ABCG2: variants seen among roughly 807,000 people sequenced by gnomAD.
ABCG2 encodes the protein broad substrate specificity ATP-binding cassette transporter ABCG2.
ABCG2 carries 80 observed loss-of-function variants against 73.5 expected under a neutral mutation model. The ratio of observed to expected loss-of-function variants is 1.09; its 90% confidence interval spans 0.91 to 1.31. The LOEUF (loss-of-function observed/expected upper bound fraction) is 1.31. Among genes scored for constraint, ABCG2 ranks in the 50% most tolerant of loss-of-function variants. The pLI is 0.00. For synonymous variants in ABCG2, 269 were observed against 282.4 expected (o/e 0.95, Z 0.48); for missense variants, 796 against 786.2 (o/e 1.01, Z -0.15).
chr4:88,226,806 A>G (rs1296221993), intron 1 of ABCG2: 2 of 152,388 alleles, frequency 1.3e-5, no homozygotes, highest in Non-Finnish European at 2.9e-5. Flanking sequence ...TGACACGCAA[A>G]TTCGTGAAGC....
At chr4:88,142,203 A>G (rs1396997006) in intron 1 of ABCG2, among the ~76,000 whole-genome samples, 1 of 152,126 alleles carries the variant, frequency 6.6e-6, no homozygotes, top group Non-Finnish European at 1.5e-5. Context: ...GAGAGAAGGG[A>G]AAATGCAGCA....
chr4:88,179,137 G>A (rs183997620), intron 1 of ABCG2, among the ~76,000 whole-genome samples: 6 of 152,138 alleles, frequency 3.9e-5, no homozygotes, highest in Non-Finnish European at 8.8e-5. Flanking sequence ...CAGTCCCTGT[G>A]TTGGTGGCCA....
rs553677085 is a variant in ABCG2 at position 88,199,327 on chromosome 4, C to T, written c.-20+31667G>A. Among the ~76,000 whole-genome samples the T allele has an allele frequency of 1.4e-4, 21 of 152,086 alleles. No individual in the cohort carries two copies. The South Asian group carries it at 4.2e-3, about 30-fold the overall frequency. On this transcript the variant is annotated intron_variant, in intron 1 of 15. Transcript: ENST00000515655. ...GTTTCTCCCAAATTAATGTTAGATA[C>T]CAAACTACAGATTCAGGAAACTCGA... is the stretch of plus-strand genomic sequence containing the variant.
intron 1 of ABCG2, among the ~76,000 whole-genome samples, chr4:88,181,900 CA>C (rs1273442408): frequency 2.0e-5 from 3 of 151,432 alleles, no homozygotes; most frequent in South Asian, 2.1e-4. Context: ...AAACAAATAA[CA>C]AAATGGCAGG....
At chr4:88,196,500 A>C (rs1233996466) in intron 1 of ABCG2, among the ~76,000 whole-genome samples, 2 of 152,198 alleles carry the variant, frequency 1.3e-5, no homozygotes, top group Non-Finnish European at 2.9e-5. Flanking sequence ...ACAGCTTCAC[A>C]CAAGGATTTT....
chr4:88,122,481 G>C (rs569938925), intron 5 of ABCG2, among the ~76,000 whole-genome samples: 33 of 152,254 alleles, frequency 2.2e-4, no homozygotes, highest in African/African-American at 7.2e-4. Context: ...TGAGCTTGGT[G>C]GGGGGAGGGG....
chr4:88,222,922 T>C lies in ABCG2; in HGVS notation c.-20+8072A>G, dbSNP rs533185915. ...CTGCCCAAGGCCATGGGAACCTACC[T>C]CTTCCATCAGGGTGACTTGGATATG... is the stretch of plus-strand genomic sequence containing the variant. On this transcript the variant is annotated intron_variant, in intron 1 of 15. Transcript: ENST00000515655. 1.7e-3 allele frequency among the ~76,000 whole-genome samples: 266 copies of C among 152,300 alleles called. 3 individuals carry two copies. Among genetic ancestry groups the C allele is most frequent in the Middle Eastern group, 3.4e-3 (1 of 294 alleles).
chr4:88,154,472 G>A (rs1480186248), intron 1 of ABCG2, among the ~76,000 whole-genome samples: 4 of 152,174 alleles, frequency 2.6e-5, no homozygotes, highest in Non-Finnish European at 5.9e-5. Flanking sequence ...CTTGCTGAGC[G>A]GTAGTGGAGG....
chr4:88,154,903 G>A (rs539492240), intron 1 of ABCG2, among the ~76,000 whole-genome samples: 268 of 152,282 alleles, frequency 1.8e-3, no homozygotes, highest in African/African-American at 6.2e-3. Context: ...TTAGGGCGGC[G>A]GCAGCCACTG....
chr4:88,218,379 T>C (rs1729890286), intron 1 of ABCG2, among the ~76,000 whole-genome samples: 1 of 152,258 alleles, frequency 6.6e-6, no homozygotes, highest in Non-Finnish European at 1.5e-5. Context: ...TTCACTGTTC[T>C]ATCCCTAGTG....
intron 10 of ABCG2, among the ~76,000 whole-genome samples, chr4:88,105,302 C>A (rs563190907): frequency 7.3e-4 from 111 of 152,196 alleles, no homozygotes; most frequent in Non-Finnish European, 1.4e-3. Flanking sequence ...GCGTCTTCAA[C>A]TTTCCTCAAT....
chr4:88,096,420 T>C (rs1201324011), intron 13 of ABCG2, among the ~76,000 whole-genome samples: 2 of 152,246 alleles, frequency 1.3e-5, no homozygotes, highest in Admixed American at 6.5e-5. Context: ...TAGTTTTTAA[T>C]GTTCTGTGTA....
chr4:88,144,094 G>A lies in ABCG2; in HGVS notation c.-19-4080C>T, dbSNP rs569503629. Among the ~76,000 whole-genome samples the A allele has an allele frequency of 1.1e-4, 16 of 152,240 alleles. 1 individual carries two copies. The highest frequency in any genetic ancestry group is 7.2e-4 in the Admixed American group (11 of 15,296). On this transcript the variant is annotated intron_variant, in intron 1 of 15. Coordinates refer to ENST00000237612, the MANE Select transcript of ABCG2 (RefSeq NM_004827.3). ...TCAAGGAAAATACCCATCACACAAC[G>A]AGATGTCCCTACAACAAAAATCAAC... is the stretch of plus-strand genomic sequence containing the variant.
intron 1 of ABCG2, among the ~76,000 whole-genome samples, chr4:88,189,556 A>G (rs113239856): frequency 0.04 from 6,060 of 151,888 alleles, 178 homozygotes; most frequent in South Asian, 0.07. Flanking sequence ...TAAATAAATA[A>G]GAAATAAAAT....
intron 1 of ABCG2, among the ~76,000 whole-genome samples, chr4:88,230,813 C>T (rs1323502644): frequency 6.6e-6 from 1 of 152,124 alleles, no homozygotes; most frequent in Non-Finnish European, 1.5e-5. Context: ...CAGAGGCCCA[C>T]CCCAGGCCCC....
In ABCG2 at chr4:88,118,226, T is replaced by C; in HGVS notation, c.724A>G (p.Ile242Val). 5 of 1,614,164 alleles carry C rather than the reference T, an allele frequency of 3.1e-6. No individual in the cohort carries two copies. Among genetic ancestry groups the C allele is most frequent in the Non-Finnish European group, 4.2e-6 (5 of 1,179,998 alleles). The change falls in exon 7 of 16, where the codon ATT (isoleucine) becomes GTT (valine). Residue 242 changes from isoleucine to valine, a missense_variant. Ile to Val is a conservative substitution (Grantham distance 29). Coordinates refer to ENST00000237612, the MANE Select transcript of ABCG2 (RefSeq NM_004827.3). The stretch of plus-strand genomic sequence containing the variant: ...AAGATGGAATATCGAGGCTGATGAA[T>C]GGAGAAGATGATTGTTCGTCCCTGC... ...SKQGRTIIFSIHQPRYSIFKL... is the reference protein window; with the variant it reads ...SKQGRTIIFSVHQPRYSIFKL...
intron 1 of ABCG2, among the ~76,000 whole-genome samples, chr4:88,224,286 A>G (rs986777824): frequency 6.6e-6 from 1 of 152,034 alleles, no homozygotes; most frequent in Non-Finnish European, 1.5e-5. Context: ...AAAATACAAA[A>G]AATTATCTGG....
At chr4:88,113,710 C>G (rs1195378737) in intron 8 of ABCG2, among the ~76,000 whole-genome samples, 157 bp from the exon 9 acceptor site, 1 of 152,128 alleles carries the variant, frequency 6.6e-6, no homozygotes, top group African/African-American at 2.4e-5. Context: ...TGACTGTAAT[C>G]TCAGCACTTT....
At chr4:88,214,887 T>G (rs977356992) in intron 1 of ABCG2, among the ~76,000 whole-genome samples, 17 of 151,860 alleles carry the variant, frequency 1.1e-4, no homozygotes, top group Admixed American at 8.5e-4. Context: ...CCTCCCAAAG[T>G]GTTGGGATTA....
Sources: allele counts gnomAD v4.1 joint callset (sites outside exome capture counted in the v4.1 genomes callset), GRCh38; gene constraint gnomAD v4.1.1; transcripts MANE v1.5; gene names NCBI Gene and HGNC (gene_info 2026-07-23, HGNC 2026-07-21).